The following DLGAP1 variants were observed in gnomAD, a reference collection of about 807,000 sequenced individuals.
DLGAP1 encodes disks large-associated protein 1.
Under a neutral mutation model 90.8 loss-of-function variants are expected in DLGAP1, and 11 were observed. The ratio of observed to expected loss-of-function variants is 0.12; its 90% CI spans 0.08 to 0.20. The LOEUF is 0.20. Ranked by LOEUF, DLGAP1 falls within the 10% of genes least tolerant of loss-of-function variation. DLGAP1 has a pLI of 1.00. For missense variants in DLGAP1, 1,050 were observed against 1,333.8 expected, an observed-to-expected ratio of 0.79 and a Z score of 3.31; for synonymous variants, 558 against 540.7, an observed-to-expected ratio of 1.03 and a Z score of -0.44.
At chr18:3,943,641 TA>T (rs1568312296) in intron 3 of DLGAP1, among the ~76,000 whole-genome samples, 24 of 152,226 alleles carry the variant, frequency 1.6e-4, no homozygotes, top group African/African-American at 5.3e-4. Flanking sequence ...AAACCCAAAT[TA>T]AAATAAAACA....
intron 9 of DLGAP1, among the ~76,000 whole-genome samples, chr18:3,537,352 T>C (rs1243642906): frequency 1.3e-5 from 2 of 152,200 alleles, no homozygotes; most frequent in Non-Finnish European, 2.9e-5. Flanking sequence ...TGGAATCATG[T>C]AGTATTTATT....
intron 1 of DLGAP1, among the ~76,000 whole-genome samples, chr18:4,449,622 T>C (rs2083767213): frequency 2.0e-5 from 3 of 152,210 alleles, no homozygotes; most frequent in Admixed American, 6.5e-5. Flanking sequence ...TCAGTGATAT[T>C]TGGTGAACAT....
chr18:4,395,012 T>C (rs2082411138), intron 1 of DLGAP1, among the ~76,000 whole-genome samples: 2 of 152,182 alleles, frequency 1.3e-5, no homozygotes, highest in South Asian at 4.1e-4. Flanking sequence ...GAAAATGGTG[T>C]TTGAACAAAG....
chr18:4,141,608 G>C (rs1021443245), intron 2 of DLGAP1, among the ~76,000 whole-genome samples: 1 of 151,910 alleles, frequency 6.6e-6, no homozygotes, highest in African/African-American at 2.4e-5. Flanking sequence ...ACCATACTTT[G>C]AGTACTGGTA....
intron 7 of DLGAP1, chr18:3,596,771 G>A: frequency 2.0e-6 from 1 of 505,204 alleles, no homozygotes; most frequent in Admixed American, 2.2e-5. Context: ...AGGAAGGGGA[G>A]GTGATCGGGG....
intron 1 of DLGAP1, among the ~76,000 whole-genome samples, chr18:4,156,430 G>C (rs1373106521): frequency 1.3e-5 from 2 of 152,066 alleles, no homozygotes; most frequent in Non-Finnish European, 2.9e-5. Context: ...ATTCCCTTCT[G>C]TTTCCTGCCG....
In DLGAP1 at chr18:3,565,932, A is replaced by C. The variant is rs1373286721; in HGVS notation, c.2057+1558T>G. On this transcript the variant is annotated intron_variant, in intron 9 of 12. Coordinates refer to ENST00000315677, the MANE Select transcript of DLGAP1 (RefSeq NM_004746.4). The surrounding 1 kb of genome is among the most constrained non-coding windows in gnomAD (Gnocchi z 4.0). ...AGTCACTCCTAAACCTACCATTTGTACGTATTACATTTCAGTCCTTGTCCA... is the reference window on the plus strand; with the variant it reads ...AGTCACTCCTAAACCTACCATTTGTCCGTATTACATTTCAGTCCTTGTCCA... 6.6e-6 allele frequency among the ~76,000 whole-genome samples: 1 copy of C among 152,172 alleles called. No individual in the cohort carries two copies. Among genetic ancestry groups the C allele is most frequent in the Non-Finnish European group, 1.5e-5 (1 of 68,048 alleles).
chr18:4,413,473 T>A (rs1028450666), intron 1 of DLGAP1, among the ~76,000 whole-genome samples: 3 of 152,094 alleles, frequency 2.0e-5, no homozygotes, highest in Admixed American at 6.5e-5. Flanking sequence ...GGCAACTACA[T>A]CTCCATTCAA....
intron 3 of DLGAP1, among the ~76,000 whole-genome samples, chr18:3,960,617 G>A (rs1324260765): frequency 7.9e-5 from 12 of 152,192 alleles, no homozygotes; most frequent in South Asian, 2.1e-4. Flanking sequence ...TTGCTGTGCC[G>A]TACCTCCAGA....
At chr18:3,619,422 T>C (rs2058012412) in intron 7 of DLGAP1, among the ~76,000 whole-genome samples, 1 of 152,164 alleles carries the variant, frequency 6.6e-6, no homozygotes, top group South Asian at 2.1e-4. Context: ...CCTGCAAGTC[T>C]AGTGGGGTCA....
chr18:4,108,962 A>G (rs1175155278), intron 2 of DLGAP1, among the ~76,000 whole-genome samples: 1 of 152,226 alleles, frequency 6.6e-6, no homozygotes, highest in East Asian at 1.9e-4. Context: ...TGTTTTACAA[A>G]TAGTACAACA....
intron 2 of DLGAP1, among the ~76,000 whole-genome samples, chr18:4,016,126 T>A (rs1430488242): frequency 6.6e-6 from 1 of 152,228 alleles, no homozygotes; most frequent in East Asian, 1.9e-4. Flanking sequence ...CTTTCCAGTA[T>A]GACTGAATAA....
intron 7 of DLGAP1, among the ~76,000 whole-genome samples, chr18:3,657,722 C>T (rs2059547023): frequency 6.6e-6 from 1 of 151,920 alleles, no homozygotes; most frequent in Non-Finnish European, 1.5e-5. Flanking sequence ...CCTGCCTCAG[C>T]CTCCCGAATA....
intron 2 of DLGAP1, among the ~76,000 whole-genome samples, chr18:4,098,056 G>A (rs1198510417): frequency 2.0e-5 from 3 of 152,200 alleles, no homozygotes; most frequent in African/African-American, 7.2e-5. Context: ...TGGGGCTACA[G>A]GCCCACGCCA....
chr18:4,125,921 A>G (rs967214817), intron 2 of DLGAP1, among the ~76,000 whole-genome samples: 5 of 152,300 alleles, frequency 3.3e-5, no homozygotes, highest in African/African-American at 9.6e-5. Flanking sequence ...CTGGAGCCAC[A>G]GGAACAGGGA....
intron 1 of DLGAP1, among the ~76,000 whole-genome samples, chr18:4,416,200 C>T (rs1567904957): frequency 1.3e-5 from 2 of 152,108 alleles, no homozygotes; most frequent in African/African-American, 2.4e-5. Flanking sequence ...TATGTTCACA[C>T]TTCATCATAC....
intron 5 of DLGAP1, among the ~76,000 whole-genome samples, chr18:3,808,519 C>T (rs996397337): frequency 4.6e-5 from 7 of 151,994 alleles, no homozygotes; most frequent in African/African-American, 1.7e-4. Context: ...TGCTATTATA[C>T]GTTACAATGA....
intron 1 of DLGAP1, among the ~76,000 whole-genome samples, chr18:4,209,589 A>G (rs1476913880): frequency 2.0e-5 from 3 of 152,234 alleles, no homozygotes; most frequent in Non-Finnish European, 4.4e-5. Flanking sequence ...CTCATATTTA[A>G]ATATATTTAA....
At chr18:4,278,618 T>C (rs2079472888) in intron 1 of DLGAP1, among the ~76,000 whole-genome samples, 1 of 152,150 alleles carries the variant, frequency 6.6e-6, no homozygotes, top group African/African-American at 2.4e-5. Context: ...CATGATTTCA[T>C]TGTTTTTTAT....
Sources: gnomAD v4.1 joint callset for allele counts (sites outside exome capture counted in the v4.1 genomes callset) on GRCh38, gnomAD v4.1.1 for gene constraint, Gnocchi (gnomAD v3.1) non-coding constraint, MANE v1.5 for transcripts, NCBI Gene and HGNC (gene_info 2026-07-23, HGNC 2026-07-21) for gene names.